TIMM21: variants seen among roughly 807,000 people sequenced by gnomAD.
TIMM21 encodes the protein mitochondrial import inner membrane translocase subunit Tim21.
Under a neutral mutation model 27.7 loss-of-function variants are expected in TIMM21, and 30 were observed. That is an observed-to-expected ratio of 1.08 (90% confidence interval 0.81 to 1.47). TIMM21 has a LOEUF of 1.47. Among genes scored for constraint, TIMM21 ranks in the 40% most tolerant of loss-of-function variants. TIMM21 has a pLI of 0.00. For missense variants in TIMM21, 292 were observed against 302.9 expected (o/e 0.96, Z 0.27); for synonymous variants, 121 against 114.4 (o/e 1.06, Z -0.37).
intron 1 of TIMM21, among the ~76,000 whole-genome samples, chr18:74,150,080 C>A (rs899878035): frequency 6.6e-6 from 1 of 152,148 alleles, no homozygotes; most frequent in African/African-American, 2.4e-5. Flanking sequence ...TTGGCACGCC[C>A]CAGTGTAGCC....
At position 74,160,159 on chromosome 18, in the gene TIMM21, A is replaced by C. The variant is rs1980062302; in HGVS notation, c.*1679A>C. ...CATGGTGAAACCCTATCTACTAAAA[A>C]TTCAAAAAAAAAAAAATTAACCAGG... On this transcript the variant is annotated 3_prime_UTR_variant, in exon 6 of 6. Coordinates refer to ENST00000169551, the MANE Select transcript of TIMM21 (RefSeq NM_014177.3). The C allele has an allele frequency of 6.6e-6, 1 of 151,434 alleles. No individual in the cohort carries two copies. The highest frequency in any genetic ancestry group is 2.4e-5 in the African/African-American group (1 of 40,964). 9.4% of individuals were successfully genotyped at this position (151,434 alleles called of 1,614,324 possible).
chr18:74,151,947 C>CA (rs905298420), intron 1 of TIMM21, among the ~76,000 whole-genome samples: 2 of 147,304 alleles, frequency 1.4e-5, no homozygotes, highest in Non-Finnish European at 3.0e-5. Context: ...TCCCCCCCCC[C>CA]CCGGGGGGAC....
intron 1 of TIMM21, among the ~76,000 whole-genome samples, chr18:74,151,414 ACT>A (rs1491042858): frequency 6.7e-6 from 1 of 148,844 alleles, no homozygotes; most frequent in African/African-American, 2.4e-5. Context: ...CTAGTCATCA[ACT>A]CTGTTGCTTT....
chr18:74,160,517 A>T lies in TIMM21; in HGVS notation c.*2037A>T, dbSNP rs1040459112. 26 of 152,108 alleles carry T rather than the reference A, an allele frequency of 1.7e-4. No homozygotes were observed. The highest frequency in any genetic ancestry group is 6.0e-4 in the African/African-American group (25 of 41,400). The allele number at this position is 152,108 out of a possible 1,614,324, so 9.4% of individuals were successfully genotyped here. A position where few individuals can be genotyped will look rare whatever the true frequency, so the allele number is the denominator to read the frequency against. On this transcript the variant is annotated 3_prime_UTR_variant, in exon 6 of 6. Transcript: ENST00000169551. ...AATGTTAAAATTTCTGTGTTTTAAGACCCTCTTTAATCCACTTTGATTGTG... is the reference window on the plus strand; with the variant it reads ...AATGTTAAAATTTCTGTGTTTTAAGTCCCTCTTTAATCCACTTTGATTGTG...
rs920819589 is a variant in TIMM21, at chr18:74,160,389, G to A, written c.*1909G>A. On this transcript the variant is annotated 3_prime_UTR_variant, in exon 6 of 6. Transcript: ENST00000169551. The stretch of plus-strand genomic sequence containing the variant: ...TAAAACTAAATTACTTTTTCAAAAG[G>A]AAAAACTCTGTACCAATAAGAGATT... The A allele has an allele frequency of 6.6e-6, 1 of 151,994 alleles. No individual in the cohort carries two copies. 9.4% of individuals were successfully genotyped at this position (151,994 alleles called of 1,614,324 possible).
chr18:74,155,196 T>C lies in TIMM21; in HGVS notation c.353T>C (p.Ile118Thr). ...TATTTAATAGTGGTGCTTTTTGGAA[T>C]CAGCATTACAGGTTGCAAAAAACAG... ...FTYLIVVLFG[I>T]SITGGLFYTI... Residue 118 changes from isoleucine (I) to threonine (T), a missense_variant, in exon 2 of 6, where the codon ATC becomes ACC. By Grantham distance (89) the Ile-to-Thr change is moderately conservative. Transcript: ENST00000169551. 6.2e-7 allele frequency: 1 copy of C among 1,614,252 alleles called. No homozygotes were observed. Among genetic ancestry groups the C allele is most frequent in the Non-Finnish European group, 8.5e-7 (1 of 1,180,046 alleles).
At chr18:74,156,030 T>G (rs993071369) in intron 3 of TIMM21, among the ~76,000 whole-genome samples, 1 of 152,188 alleles carries the variant, frequency 6.6e-6, no homozygotes. Flanking sequence ...GGAAGCTGCC[T>G]TGGTTCTTTG....
chr18:74,157,838 AC>A (rs1386482762), intron 3 of TIMM21, 175 bp from the exon 4 acceptor site: 1 of 637,652 alleles, frequency 1.6e-6, no homozygotes, highest in African/African-American at 1.8e-5. Context: ...CTTGTGATCC[AC>A]CCATCTTGGC....
intron 3 of TIMM21, 95 bp downstream of exon 3, chr18:74,155,498 C>A: frequency 1.0e-6 from 1 of 986,662 alleles, no homozygotes; most frequent in African/African-American, 1.6e-5. Flanking sequence ...AGTTCTCACG[C>A]TAGTGAAATT....
chr18:74,150,036 G>A (rs931572702), intron 1 of TIMM21, among the ~76,000 whole-genome samples: 5 of 152,218 alleles, frequency 3.3e-5, no homozygotes, highest in Non-Finnish European at 1.5e-5. Flanking sequence ...AGGAGGTATA[G>A]GGTACAATTG....
intron 1 of TIMM21, among the ~76,000 whole-genome samples, chr18:74,150,414 A>G (rs1004120235): frequency 6.6e-6 from 1 of 152,222 alleles, no homozygotes; most frequent in Admixed American, 6.5e-5. Flanking sequence ...AATTTTAATT[A>G]ATTTAAAATT....
Position 74,158,463 on chromosome 18 carries a change from C to G in TIMM21, c.730C>G (p.Arg244Gly), listed in dbSNP as rs376467767. The change falls in exon 6 of 6, where the codon CGA becomes GGA. Residue 244 changes from arginine to glycine, a missense_variant. Physicochemically the swap from Arg to Gly is moderately radical, Grantham distance 125. Coordinates refer to ENST00000169551, the MANE Select transcript of TIMM21 (RefSeq NM_014177.3). ...PRRTIIIEDNRSQDD is the reference protein window; with the variant it reads ...PRRTIIIEDNGSQDD ...AAGAACTATTATCATTGAAGATAAT[C>G]GATCCCAAGATGATTAAAATAGGGT... The G allele has an allele frequency of 4.5e-6, 7 of 1,540,498 alleles. No homozygotes were observed. Among genetic ancestry groups the G allele is most frequent in the Non-Finnish European group, 6.2e-6 (7 of 1,127,068 alleles).
chr18:74,156,676 A>G (rs939964388), intron 3 of TIMM21: 3 of 171,792 alleles, frequency 1.7e-5, no homozygotes, highest in Non-Finnish European at 3.7e-5. Flanking sequence ...AAAGAGATGA[A>G]GAGTTGCTGT....
In TIMM21 at chr18:74,148,709, G is replaced by T; in HGVS notation, c.-100G>T. The T allele has an allele frequency of 8.1e-7, 1 of 1,238,256 alleles. No individual in the cohort carries two copies. The highest frequency in any genetic ancestry group is 1.5e-5 in the South Asian group (1 of 68,124). The allele number at this position is 1,238,256 out of a possible 1,614,324, so 76.7% of individuals were successfully genotyped here. Reference sequence around the variant, plus strand: ...GCCTAACACCCCATGTAATGTAAACGTATAGGCTTGAGTACGTGTCCGGCC... The same window carrying T: ...GCCTAACACCCCATGTAATGTAAACTTATAGGCTTGAGTACGTGTCCGGCC... On this transcript the variant is annotated 5_prime_UTR_variant, in exon 1 of 6. Coordinates refer to ENST00000169551, the MANE Select transcript of TIMM21 (RefSeq NM_014177.3).
intron 3 of TIMM21, chr18:74,156,491 A>G (rs1371755608): frequency 2.3e-5 from 9 of 391,044 alleles, no homozygotes; most frequent in Admixed American, 8.9e-5. Context: ...AGTGGTAACC[A>G]TGGAGAAAGG....
chr18:74,151,911 C>T (rs17088874), intron 1 of TIMM21, among the ~76,000 whole-genome samples: 10,107 of 144,962 alleles, frequency 0.07, 1,302 homozygotes, highest in African/African-American at 0.26. Context: ...TGACACACCA[C>T]CCTTAAGAAG....
rs1979840193 is a variant in TIMM21, at chr18:74,152,601, CTA to C, written c.302-2542_302-2541del. 6.6e-6 allele frequency among the ~76,000 whole-genome samples: 1 copy of C among 152,228 alleles called. No homozygotes were observed. The highest frequency in any genetic ancestry group is 2.1e-4 in the South Asian group (1 of 4,836). ...GAGCTGCATCAGCTGCACTACAGCT[CTA>C]TGACAGGTGCTGTCAGTACCCCCCT... On this transcript the variant is annotated intron_variant, in intron 1 of 5. Coordinates refer to ENST00000169551, the MANE Select transcript of TIMM21 (RefSeq NM_014177.3). This position sits in a 1 kb window ranked among gnomAD's most constrained non-coding sequence, Gnocchi z 4.1.
At position 74,152,468 on chromosome 18, in the gene TIMM21, G is replaced by A. The variant is rs561537887; in HGVS notation, c.302-2677G>A. On this transcript the variant is annotated intron_variant, in intron 1 of 5. Transcript: ENST00000169551. This position sits in a 1 kb window ranked among gnomAD's most constrained non-coding sequence, Gnocchi z 4.1. Reference sequence around the variant, plus strand: ...CCTCTCCATGGCCCCAGCCACAGCCGTCTGATATAAGTCCTTAAAATTGCT... The same window carrying A: ...CCTCTCCATGGCCCCAGCCACAGCCATCTGATATAAGTCCTTAAAATTGCT... Among the ~76,000 whole-genome samples the A allele has an allele frequency of 5.3e-5, 8 of 152,088 alleles. No individual in the cohort carries two copies. Among genetic ancestry groups the A allele is most frequent in the East Asian group, 1.9e-4 (1 of 5,184 alleles).
rs116394928 is a variant in TIMM21 at position 74,150,887 on chromosome 18, G to T, written c.301+1778G>T. 4.0e-3 allele frequency among the ~76,000 whole-genome samples: 616 copies of T among 152,248 alleles called. 3 individuals carry two copies. The highest frequency in any genetic ancestry group is 0.014 in the African/African-American group (589 of 41,526). On this transcript the variant is annotated intron_variant, in intron 1 of 5. Coordinates refer to ENST00000169551, the MANE Select transcript of TIMM21 (RefSeq NM_014177.3). ...ATATCATTTTTAATTTCCTATCTTG[G>T]TCACCGAAAGGGCAGCTTCAGGGGC...
Sources: gnomAD v4.1 joint callset for allele counts (sites outside exome capture counted in the v4.1 genomes callset) on GRCh38, gnomAD v4.1.1 for gene constraint, Gnocchi (gnomAD v3.1) non-coding constraint, MANE v1.5 for transcripts, NCBI Gene and HGNC (gene_info 2026-07-23, HGNC 2026-07-21) for gene names.